Variants in EMX2 observed in about 807,000 individuals in gnomAD.
EMX2 encodes the protein empty spiracles homeobox 2, also known as homeobox protein EMX2.
A neutral mutation model predicts 23.0 loss-of-function variants in EMX2; 6 were observed. That is an observed-to-expected ratio of 0.26 (90% CI 0.14 to 0.52). The LOEUF is 0.52. EMX2 is among the 20% of genes least tolerant of loss of function. The probability of loss-of-function intolerance (pLI) is 0.97; values close to 1 mark genes in which losing one functional copy is unlikely to be tolerated. For synonymous variants in EMX2, 175 were observed against 153.3 expected, an observed-to-expected ratio of 1.14 and a Z score of -1.04; for missense variants, 302 against 341.4, an observed-to-expected ratio of 0.88 and a Z score of 0.91.
In EMX2 at chr10:117,548,716, G is replaced by A; in HGVS notation, c.*484G>A. ...AAAACCACGACCCAACCAGGCACAG[G>A]ACTTTTTTGTTTTTTGCACTTCGCT... On this transcript the variant is annotated 3_prime_UTR_variant, in exon 3 of 3. Transcript: ENST00000553456. 1 of 409,608 alleles carries A rather than the reference G, an allele frequency of 2.4e-6. No homozygotes were observed. Among genetic ancestry groups the A allele is most frequent in the Non-Finnish European group, 4.3e-6 (1 of 232,302 alleles). 25.4% of individuals were successfully genotyped at this position (409,608 alleles called of 1,614,324 possible).
rs1206165604 is a variant in EMX2 at position 117,543,677 on chromosome 10, C to G, written c.406+4C>G. 9 of 1,613,254 alleles carry G rather than the reference C, an allele frequency of 5.6e-6. No homozygotes were observed. Among genetic ancestry groups the G allele is most frequent in the Non-Finnish European group, 7.6e-6 (9 of 1,179,712 alleles). On this transcript the variant is annotated splice_donor_region_variant and intron_variant, in intron 1 of 2. Coordinates refer to ENST00000553456, the MANE Select transcript of EMX2 (RefSeq NM_004098.4). The stretch of plus-strand genomic sequence containing the variant: ...TATCTGGGTCATCGCTTCCAAGGTA[C>G]GTGCCACGTCGCGGAACTGCAGCGC...
Position 117,548,123 on chromosome 10 carries a change from A to C in EMX2, c.650A>C (p.Glu217Ala). ...TTCAAAAGGCAGAAGCTGGAGGAAG[A>C]AGGCTCAGATTCGCAACAAAAGAAA... is the stretch of plus-strand genomic sequence containing the variant. ...TKFKRQKLEE[E>A]GSDSQQKKKG... Residue 217 changes from glutamate to alanine, a missense_variant, in exon 3 of 3, where the codon GAA becomes GCA. Coordinates refer to ENST00000553456, the MANE Select transcript of EMX2 (RefSeq NM_004098.4). The C allele has an allele frequency of 1.2e-6, 2 of 1,613,902 alleles. No homozygotes were observed. The highest frequency in any genetic ancestry group is 1.7e-6 in the Non-Finnish European group (2 of 1,179,898).
At chr10:117,546,303 G>A (rs1005575794) in intron 2 of EMX2, among the ~76,000 whole-genome samples, 5 of 152,222 alleles carry the variant, frequency 3.3e-5, no homozygotes, top group African/African-American at 7.2e-5. Flanking sequence ...GAAGGTAGAG[G>A]GCAAGCGTCC....
chr10:117,547,608 A>T (rs1260154297), intron 2 of EMX2, among the ~76,000 whole-genome samples: 1 of 152,194 alleles, frequency 6.6e-6, no homozygotes, highest in East Asian at 1.9e-4. Flanking sequence ...TAGAAAGCAC[A>T]TTGGGCCCTG....
Position 117,548,249 on chromosome 10 carries a change from C to T in EMX2, c.*17C>T. 6.2e-7 allele frequency: 1 copy of T among 1,612,786 alleles called. No homozygotes were observed. Among genetic ancestry groups the T allele is most frequent in the Non-Finnish European group, 8.5e-7 (1 of 1,179,434 alleles). On this transcript the variant is annotated 3_prime_UTR_variant, in exon 3 of 3. Coordinates refer to ENST00000553456, the MANE Select transcript of EMX2 (RefSeq NM_004098.4). ...GATGATTAAAAACATAAACCTAACC[C>T]CACAGAAACGGACAACATGGAGCAA...
chr10:117,546,474 G>A (rs913061016), intron 2 of EMX2, among the ~76,000 whole-genome samples: 1 of 152,146 alleles, frequency 6.6e-6, no homozygotes, highest in Non-Finnish European at 1.5e-5. Context: ...TACTGTACAC[G>A]GAGCCGCAGG....
rs1237778237 is a variant in EMX2, at chr10:117,543,594, C to T, written c.327C>T (p.Phe109=). Residue 109 remains phenylalanine (F), a synonymous_variant, in exon 1 of 3, where the codon TTC becomes TTT. Transcript: ENST00000553456. ...CCTCGCACTCGCCACACCCCCTATTCGCCTCGCAGCAGCGGGATCCGTCCA... is the reference window on the plus strand; with the variant it reads ...CCTCGCACTCGCCACACCCCCTATTTGCCTCGCAGCAGCGGGATCCGTCCA... ...LPSSHSPHPL[F]ASQQRDPSTF... 1 of 1,612,652 alleles carries T rather than the reference C, an allele frequency of 6.2e-7. No individual in the cohort carries two copies. Among genetic ancestry groups the T allele is most frequent in the African/African-American group, 1.3e-5 (1 of 74,820 alleles).
At position 117,549,067 on chromosome 10, in the gene EMX2, G is replaced by C. The variant is rs952665890; in HGVS notation, c.*835G>C. On this transcript the variant is annotated 3_prime_UTR_variant, in exon 3 of 3. Coordinates refer to ENST00000553456, the MANE Select transcript of EMX2 (RefSeq NM_004098.4). Reference sequence around the variant, plus strand: ...AGAGAAACGGGGAGCAGGACGACGGGGGGGCTGGGGGTGGCGGGGGAGGGT... The same window carrying C: ...AGAGAAACGGGGAGCAGGACGACGGCGGGGCTGGGGGTGGCGGGGGAGGGT... The C allele has an allele frequency of 3.2e-5, 5 of 158,218 alleles. No homozygotes were observed. The highest frequency in any genetic ancestry group is 1.2e-4 in the African/African-American group (5 of 41,568). 9.8% of individuals were successfully genotyped at this position (158,218 alleles called of 1,614,324 possible). A position where few individuals can be genotyped will look rare whatever the true frequency, so the allele number is the denominator to read the frequency against.
At position 117,545,585 on chromosome 10, in the gene EMX2, G is replaced by A. The variant is rs779622064; in HGVS notation, c.407-47G>A. 4.3e-6 allele frequency: 7 copies of A among 1,610,568 alleles called. No homozygotes were observed. In the Admixed American group the frequency reaches 6.7e-5, roughly 15 times the overall value. The stretch of plus-strand genomic sequence containing the variant: ...CGGCTCGGGAGAAGTGCGCGGCTCC[G>A]GTCAGAGCAGCCCCCCCTAATGGGA... On this transcript the variant is annotated intron_variant, in intron 1 of 2. Coordinates refer to ENST00000553456, the MANE Select transcript of EMX2 (RefSeq NM_004098.4).
chr10:117,546,966 C>G (rs1384382401), intron 2 of EMX2, among the ~76,000 whole-genome samples: 2 of 152,224 alleles, frequency 1.3e-5, no homozygotes, highest in Non-Finnish European at 2.9e-5. Context: ...GGGACTGGCA[C>G]TGGGCTGTGG....
chr10:117,548,463 A>G lies in EMX2; in HGVS notation c.*231A>G. 1 of 627,648 alleles carries G rather than the reference A, an allele frequency of 1.6e-6. No homozygotes were observed. Among genetic ancestry groups the G allele is most frequent in the Non-Finnish European group, 2.8e-6 (1 of 363,040 alleles). The allele number at this position is 627,648 out of a possible 1,614,324, so 38.9% of individuals were successfully genotyped here. ...GCAGAGGATGGAGGCTCCTTCATCA[A>G]CAAGCGACCCTCGTCTAAAGAGGCA... On this transcript the variant is annotated 3_prime_UTR_variant, in exon 3 of 3. Coordinates refer to ENST00000553456, the MANE Select transcript of EMX2 (RefSeq NM_004098.4).
intron 1 of EMX2, 70 bp downstream of exon 1, chr10:117,543,743 G>T (rs770214262): frequency 6.2e-7 from 1 of 1,610,348 alleles, no homozygotes; most frequent in Non-Finnish European, 8.5e-7. Flanking sequence ...GGCCTGCTCC[G>T]GGTGGGCGCT....
In EMX2 at chr10:117,546,267, A is replaced by T. The variant is rs866606689; in HGVS notation, c.591+451A>T. Among the ~76,000 whole-genome samples the T allele has an allele frequency of 9.2e-5, 14 of 152,288 alleles. No homozygotes were observed. In the South Asian group the frequency reaches 2.7e-3, roughly 29 times the overall value. Reference sequence around the variant, plus strand: ...ACGGCTCACACCGTCGGCTCCAGTGACTTCCCTGAAGGAGATGGGCGATGG... The same window carrying T: ...ACGGCTCACACCGTCGGCTCCAGTGTCTTCCCTGAAGGAGATGGGCGATGG... On this transcript the variant is annotated intron_variant, in intron 2 of 2. Transcript: ENST00000553456.
rs1846512592 is a variant in EMX2 at position 117,542,948 on chromosome 10, G to GA, written c.-311dup. 25 of 79,652 alleles carry GA rather than the reference G, an allele frequency of 3.1e-4. No individual in the cohort carries two copies. The highest frequency in any genetic ancestry group is 5.9e-4 in the African/African-American group (10 of 16,974). 4.9% of individuals were successfully genotyped at this position (79,652 alleles called of 1,614,324 possible). On this transcript the variant is annotated 5_prime_UTR_variant, in exon 1 of 3. Transcript: ENST00000553456. ...AAAAAAAAAAAAAAAGAAAAAAAAAGAAAAAAAAAGAAAAAAAATTACCCC... is the reference window on the plus strand; with the variant it reads ...AAAAAAAAAAAAAAAGAAAAAAAAAGAAAAAAAAAAGAAAAAAAATTACCCC...
intron 1 of EMX2, 114 bp from the exon 2 acceptor site, chr10:117,545,518 G>A: frequency 7.6e-7 from 1 of 1,310,930 alleles, no homozygotes; most frequent in Non-Finnish European, 1.1e-6. Context: ...AGGTCGAGCG[G>A]CGCGGCTATG....
Position 117,543,369 on chromosome 10 carries a change from G to C in EMX2, c.102G>C (p.Ala34=), listed in dbSNP as rs1846522407. The stretch of plus-strand genomic sequence containing the variant: ...GCTCCGAGGACCCCATCCGTCCCGC[G>C]GCACTCAGCTACGCTAACTCCAGCC... ...ASRSEDPIRP[A]ALSYANSSPI... is the part of the protein sequence containing the mutation. Residue 34 remains alanine (A), a synonymous_variant, in exon 1 of 3, where the codon GCG becomes GCC. Transcript: ENST00000553456. 1.3e-6 allele frequency: 2 copies of C among 1,569,936 alleles called. No individual in the cohort carries two copies. Among genetic ancestry groups the C allele is most frequent in the African/African-American group, 1.4e-5 (1 of 73,696 alleles).
chr10:117,543,464 A>G lies in EMX2; in HGVS notation c.197A>G (p.Asn66Ser), dbSNP rs754989802. The change falls in exon 1 of 3, where the codon AAC becomes AGC. Residue 66 changes from asparagine (N) to serine (S), a missense_variant. Physicochemically the swap from Asn to Ser is conservative, Grantham distance 46 (BLOSUM62 1). This residue lies in a region of EMX2 where 221 missense variants were observed against 206.8 expected (regional missense o/e 1.07). Transcript: ENST00000553456. ...GCCGCCGGTAGGGGCGTCTACTCCA[A>G]CCCGGACTTGGTGTTCGCCGAGGCG... ...AAAAGRGVYS[N>S]PDLVFAEAVS... 1 of 1,606,652 alleles carries G rather than the reference A, an allele frequency of 6.2e-7. No homozygotes were observed. The highest frequency in any genetic ancestry group is 1.1e-5 in the South Asian group (1 of 90,646).
intron 1 of EMX2, chr10:117,545,348 C>T (rs1846561186): frequency 2.9e-6 from 1 of 343,034 alleles, no homozygotes; most frequent in African/African-American, 2.2e-5. Context: ...CCCGCGGCGC[C>T]AGGGCGGCTG....
At position 117,548,868 on chromosome 10, in the gene EMX2, G is replaced by A. The variant is rs937932926; in HGVS notation, c.*636G>A. On this transcript the variant is annotated 3_prime_UTR_variant, in exon 3 of 3. Coordinates refer to ENST00000553456, the MANE Select transcript of EMX2 (RefSeq NM_004098.4). ...AGTTGTTGGGCGAATGGTGTTTAAA[G>A]ACCGAAAATGAATTGTAATTTTCTT... 5.1e-6 allele frequency: 2 copies of A among 395,082 alleles called. No individual in the cohort carries two copies. Among genetic ancestry groups the A allele is most frequent in the South Asian group, 1.4e-4 (1 of 7,042 alleles). 24.5% of individuals were successfully genotyped at this position (395,082 alleles called of 1,614,324 possible). A position where few individuals can be genotyped will look rare whatever the true frequency, so the allele number is the denominator to read the frequency against.
Sources: gnomAD v4.1 joint callset for allele counts (sites outside exome capture counted in the v4.1 genomes callset) on GRCh38, gnomAD v4.1.1 for gene constraint, gnomAD v4.1.1 regional missense constraint, MANE v1.5 for transcripts, NCBI Gene and HGNC (gene_info 2026-07-23, HGNC 2026-07-21) for gene names.